PINX1: variants seen among roughly 807,000 people sequenced by gnomAD.
The protein encoded by PINX1 is PIN2/TERF1-interacting telomerase inhibitor 1.
A neutral mutation model predicts 25.4 loss-of-function variants in PINX1; 34 were observed. The observed-to-expected ratio is 1.34, with a 90% CI of 1.02 to 1.78. The LOEUF (loss-of-function observed/expected upper bound fraction) is 1.78. Among genes scored for constraint, PINX1 ranks in the 40% most tolerant of loss-of-function variants. The pLI is 0.00. For missense variants in PINX1, 592 were observed against 404.9 expected (o/e 1.46, Z -3.97); for synonymous variants, 197 against 147.7 (o/e 1.33, Z -2.42).
intron 6 of PINX1, among the ~76,000 whole-genome samples, chr8:10,793,145 G>A (rs72552393): frequency 7.2e-5 from 11 of 152,268 alleles, no homozygotes; most frequent in African/African-American, 2.6e-4. Context: ...TCCGCTTGAG[G>A]TGCTTCAAGA....
At chr8:10,781,407 G>A (rs556211253) in intron 6 of PINX1, among the ~76,000 whole-genome samples, 1 of 152,222 alleles carries the variant, frequency 6.6e-6, no homozygotes, top group South Asian at 2.1e-4. Flanking sequence ...ACAATGAAAA[G>A]GCAACCTACA....
chr8:10,780,008 C>G (rs1032318719), intron 6 of PINX1, among the ~76,000 whole-genome samples: 5 of 152,186 alleles, frequency 3.3e-5, no homozygotes, highest in African/African-American at 1.2e-4. Context: ...TTAGGGTCAT[C>G]TCAACAGTAC....
chr8:10,821,380 T>A (rs1022330146), intron 5 of PINX1, among the ~76,000 whole-genome samples: 1 of 152,226 alleles, frequency 6.6e-6, no homozygotes, highest in African/African-American at 2.4e-5. Context: ...ACCAGTTTCC[T>A]AGGCAGCAGT....
chr8:10,810,690 C>T (rs568923337), intron 6 of PINX1, among the ~76,000 whole-genome samples: 1 of 152,246 alleles, frequency 6.6e-6, no homozygotes, highest in Non-Finnish European at 1.5e-5. Flanking sequence ...GTGCTCACTA[C>T]TGTGAAGGAA....
intron 6 of PINX1, among the ~76,000 whole-genome samples, chr8:10,815,693 C>G (rs1479030484): frequency 3.3e-5 from 5 of 152,186 alleles, no homozygotes; most frequent in African/African-American, 1.2e-4. Context: ...CTCTCCAACA[C>G]CAGCAGGCTA....
chr8:10,797,637 G>A (rs1263292406), intron 6 of PINX1, among the ~76,000 whole-genome samples: 2 of 152,158 alleles, frequency 1.3e-5, no homozygotes, highest in South Asian at 2.1e-4. Flanking sequence ...CCTAAGCATT[G>A]AGGACCACCA....
intron 1 of PINX1, among the ~76,000 whole-genome samples, chr8:10,835,318 A>G (rs1798370723): frequency 6.6e-6 from 1 of 152,250 alleles, no homozygotes; most frequent in Non-Finnish European, 1.5e-5. Flanking sequence ...TCACTGGCAG[A>G]TATGAAAATC....
intron 6 of PINX1, among the ~76,000 whole-genome samples, chr8:10,784,599 C>A (rs1045177988): frequency 6.6e-6 from 1 of 152,176 alleles, no homozygotes. Context: ...ATAAACCTCA[C>A]AAAACCTAGT....
At chr8:10,796,179 G>C (rs1057103342) in intron 6 of PINX1, among the ~76,000 whole-genome samples, 1 of 152,154 alleles carries the variant, frequency 6.6e-6, no homozygotes, top group African/African-American at 2.4e-5. Flanking sequence ...TGCATGGAAG[G>C]AGCTTGATTG....
At chr8:10,812,505 T>G (rs774327241) in intron 6 of PINX1, among the ~76,000 whole-genome samples, 1 of 152,212 alleles carries the variant, frequency 6.6e-6, no homozygotes, top group Non-Finnish European at 1.5e-5. Flanking sequence ...CCAGCAGCTC[T>G]GCCAGCCCAT....
At chr8:10,810,337 G>C (rs998953759) in intron 6 of PINX1, among the ~76,000 whole-genome samples, 32 of 152,226 alleles carry the variant, frequency 2.1e-4, no homozygotes, top group African/African-American at 7.7e-4. Flanking sequence ...ATTTGTGTTG[G>C]AGGCCGGGAC....
chr8:10,795,279 G>A (rs1336915241), intron 6 of PINX1, among the ~76,000 whole-genome samples: 2 of 152,198 alleles, frequency 1.3e-5, no homozygotes, highest in African/African-American at 4.8e-5. Context: ...TACAAACAGA[G>A]GGCTTGGCTT....
At chr8:10,789,207 A>T (rs1317496281) in intron 6 of PINX1, among the ~76,000 whole-genome samples, 1 of 152,236 alleles carries the variant, frequency 6.6e-6, no homozygotes, top group Admixed American at 6.5e-5. Flanking sequence ...ACTACAGTGT[A>T]ACTGAGGGGA....
chr8:10,772,368 C>G (rs4240668), intron 6 of PINX1, among the ~76,000 whole-genome samples: 29,484 of 152,242 alleles, frequency 0.19, 4,051 homozygotes, highest in African/African-American at 0.39. Flanking sequence ...CACGGCCGTT[C>G]GTTGGAAAGC....
chr8:10,783,710 GA>G (rs1302544614), intron 6 of PINX1, among the ~76,000 whole-genome samples: 1 of 152,144 alleles, frequency 6.6e-6, no homozygotes, highest in African/African-American at 2.4e-5. Flanking sequence ...TGGGTAGCAA[GA>G]AAAACATCTG....
At chr8:10,811,429 C>G (rs1252767613) in intron 6 of PINX1, among the ~76,000 whole-genome samples, 1 of 152,172 alleles carries the variant, frequency 6.6e-6, no homozygotes, top group Non-Finnish European at 1.5e-5. Flanking sequence ...AATGTCTAAT[C>G]ACAGAACCAC....
intron 5 of PINX1, among the ~76,000 whole-genome samples, chr8:10,823,251 T>C (rs1426401817): frequency 6.6e-6 from 1 of 151,954 alleles, no homozygotes; most frequent in Non-Finnish European, 1.5e-5. Flanking sequence ...GCGTTAGGCA[T>C]GTAGTTTCCT....
chr8:10,838,055 C>T (rs1362039770), intron 1 of PINX1, among the ~76,000 whole-genome samples: 1 of 152,196 alleles, frequency 6.6e-6, no homozygotes, highest in Non-Finnish European at 1.5e-5. Context: ...AGAGCGGTAA[C>T]CCTAACCAAG....
chr8:10,765,504 T>C lies in PINX1; in HGVS notation c.884A>G (p.Lys295Arg). Residue 295 changes from lysine (K) to arginine (R), a missense_variant, in exon 7 of 7, where the codon AAG becomes AGG. Transcript: ENST00000314787. ...EGRDFTLKPK[K>R]RRGKKKLQKP... ...TTGCAGCTTTTTCTTCCCTCTCCTCTTTTTGGGCTTCAGGGTGAAGTCCCG... is the reference window on the plus strand; with the variant it reads ...TTGCAGCTTTTTCTTCCCTCTCCTCCTTTTGGGCTTCAGGGTGAAGTCCCG... The C allele has an allele frequency of 6.2e-7, 1 of 1,613,630 alleles. No individual in the cohort carries two copies. The highest frequency in any genetic ancestry group is 8.5e-7 in the Non-Finnish European group (1 of 1,179,866).
Sources: allele counts gnomAD v4.1 joint callset (sites outside exome capture counted in the v4.1 genomes callset), GRCh38; gene constraint gnomAD v4.1.1; transcripts MANE v1.5; gene names NCBI Gene and HGNC (gene_info 2026-07-23, HGNC 2026-07-21).